Variants in ERLEC1 observed in about 807,000 individuals in gnomAD.
The protein encoded by ERLEC1 is endoplasmic reticulum lectin 1.
ERLEC1 carries 47 observed loss-of-function variants against 68.0 expected under a neutral mutation model. The ratio of observed to expected loss-of-function variants is 0.69; its 90% CI spans 0.55 to 0.88. ERLEC1 has a LOEUF of 0.88. Among genes scored for constraint, ERLEC1 ranks in the 40% least tolerant of loss-of-function variants. The probability of loss-of-function intolerance (pLI) is 0.00; values close to 1 mark genes in which losing one functional copy is unlikely to be tolerated. For missense variants in ERLEC1, 567 were observed against 583.8 expected, an observed-to-expected ratio of 0.97 and a Z score of 0.30; for synonymous variants, 225 against 203.2, an observed-to-expected ratio of 1.11 and a Z score of -0.91.
At position 53,818,779 on chromosome 2, in the gene ERLEC1, A is replaced by C. The variant is rs982902371; in HGVS notation, c.*810A>C. ...CAGCACAATATTTATTTTAAAGTGAATAAAATGTCCACAAGCAGTGTTGTC... is the reference window on the plus strand; with the variant it reads ...CAGCACAATATTTATTTTAAAGTGACTAAAATGTCCACAAGCAGTGTTGTC... On this transcript the variant is annotated 3_prime_UTR_variant, in exon 14 of 14. Coordinates refer to ENST00000185150, the MANE Select transcript of ERLEC1 (RefSeq NM_015701.5). 3.3e-5 allele frequency: 5 copies of C among 152,226 alleles called. No individual in the cohort carries two copies. Among genetic ancestry groups the C allele is most frequent in the African/African-American group, 1.2e-4 (5 of 41,464 alleles). 9.4% of individuals were successfully genotyped at this position (152,226 alleles called of 1,614,324 possible). A position where few individuals can be genotyped will look rare whatever the true frequency, so the allele number is the denominator to read the frequency against.
intron 8 of ERLEC1, among the ~76,000 whole-genome samples, chr2:53,805,488 G>A (rs1676250030): frequency 6.6e-6 from 1 of 152,082 alleles, no homozygotes; most frequent in Non-Finnish European, 1.5e-5. Context: ...AAAGTGCTAG[G>A]ATTACAGGTG....
At chr2:53,794,651 T>A (rs1355353811) in intron 2 of ERLEC1, among the ~76,000 whole-genome samples, 3 of 152,196 alleles carry the variant, frequency 2.0e-5, no homozygotes, top group Non-Finnish European at 2.9e-5. Context: ...AATTTTTTTT[T>A]ATTTTATTTA....
Position 53,808,337 on chromosome 2 carries a change from G to A in ERLEC1, c.918G>A (p.Ala306=), listed in dbSNP as rs374779928. ...LQSTKEERFP[A]IHKSIAIGSQ... Reference sequence around the variant, plus strand: ...CAACTAAAGAAGAGAGATTTCCAGCGATCCACAAGTCGATTGCTATTGGCT... The same window carrying A: ...CAACTAAAGAAGAGAGATTTCCAGCAATCCACAAGTCGATTGCTATTGGCT... Residue 306 remains alanine (A), a synonymous_variant, in exon 9 of 14, where the codon GCG becomes GCA. Transcript: ENST00000185150. The A allele has an allele frequency of 2.9e-5, 47 of 1,613,984 alleles. No homozygotes were observed. The highest frequency in any genetic ancestry group is 4.5e-5 in the East Asian group (2 of 44,888).
intron 3 of ERLEC1, among the ~76,000 whole-genome samples, chr2:53,797,136 CT>C (rs1250912191): frequency 6.6e-6 from 1 of 152,220 alleles, no homozygotes; most frequent in Admixed American, 6.5e-5. Context: ...CTCAAGTGAT[CT>C]GCCCACCTTG....
chr2:53,804,193 G>C (rs1265585127), intron 8 of ERLEC1, among the ~76,000 whole-genome samples: 1 of 152,058 alleles, frequency 6.6e-6, no homozygotes, highest in Admixed American at 6.6e-5. Context: ...TAATTTTTGT[G>C]GGTACATAGC....
At chr2:53,810,231 G>A (rs867105316) in intron 10 of ERLEC1, among the ~76,000 whole-genome samples, 7 of 152,014 alleles carry the variant, frequency 4.6e-5, no homozygotes, top group Middle Eastern at 3.4e-3. Flanking sequence ...ACACTTTGGG[G>A]GGCCAAGGCA....
chr2:53,794,875 G>A (rs965142269), intron 2 of ERLEC1, among the ~76,000 whole-genome samples: 7 of 151,866 alleles, frequency 4.6e-5, no homozygotes, highest in African/African-American at 1.7e-4. Flanking sequence ...GGATGGTCTC[G>A]ATTTCTTGAC....
At chr2:53,809,150 CAT>C (rs1364538282) in intron 9 of ERLEC1, 62 bp from the exon 10 acceptor site, 11 of 1,092,626 alleles carry the variant, frequency 1.0e-5, no homozygotes, top group Non-Finnish European at 1.4e-5. Flanking sequence ...CCATTACTGT[CAT>C]GTGGCATTAT....
At chr2:53,808,921 A>C (rs1163948160) in intron 9 of ERLEC1, among the ~76,000 whole-genome samples, 1 of 152,120 alleles carries the variant, frequency 6.6e-6, no homozygotes, top group Non-Finnish European at 1.5e-5. Context: ...GAGCCACCGC[A>C]CCTGGCCAAC....
rs757724942 is a variant in ERLEC1 at position 53,801,546 on chromosome 2, A to C, written c.675A>C (p.Ser225=). ...CTGAATCTAAGCATGAAATTCTTTC[A>C]GTAGCTGAAGTTACAACTTGTGAAT... is the stretch of plus-strand genomic sequence containing the variant. ...CHPESKHEIL[S]VAEVTTCEYE... The change falls in exon 7 of 14, where the codon TCA becomes TCC. Residue 225 remains serine, a synonymous_variant. Coordinates refer to ENST00000185150, the MANE Select transcript of ERLEC1 (RefSeq NM_015701.5). The C allele has an allele frequency of 1.9e-6, 3 of 1,614,056 alleles. No individual in the cohort carries two copies. The highest frequency in any genetic ancestry group is 1.3e-5 in the African/African-American group (1 of 74,948).
chr2:53,811,776 C>G (rs968807085), intron 10 of ERLEC1, among the ~76,000 whole-genome samples: 1 of 152,160 alleles, frequency 6.6e-6, no homozygotes, highest in African/African-American at 2.4e-5. Flanking sequence ...TAAAACACTT[C>G]ACTTTGCTGC....
chr2:53,787,935 C>T (rs1423707056), intron 1 of ERLEC1, among the ~76,000 whole-genome samples: 1 of 152,190 alleles, frequency 6.6e-6, no homozygotes, highest in Non-Finnish European at 1.5e-5. Flanking sequence ...ACCCTTTATG[C>T]AGAATATCCT....
intron 5 of ERLEC1, 140 bp downstream of exon 5, chr2:53,797,935 G>A (rs1410350256): frequency 3.2e-5 from 24 of 740,862 alleles, no homozygotes; most frequent in East Asian, 7.9e-5. Flanking sequence ...GGTGGCTGAC[G>A]CGTGTAATCC....
At position 53,800,701 on chromosome 2, in the gene ERLEC1, G is replaced by C. The variant is rs549278108; in HGVS notation, c.526-696G>C. ...TGGATTTTTCTTGTGTTTATGTAGA[G>C]AAAAGTGTAGGAGCTAACTTCTTAG... On this transcript the variant is annotated intron_variant, in intron 6 of 13. Coordinates refer to ENST00000185150, the MANE Select transcript of ERLEC1 (RefSeq NM_015701.5). Among the ~76,000 whole-genome samples, 44 of 152,196 alleles carry C rather than the reference G, an allele frequency of 2.9e-4. No individual in the cohort carries two copies. The South Asian group carries it at 8.1e-3, about 28-fold the overall frequency.
intron 13 of ERLEC1, among the ~76,000 whole-genome samples, chr2:53,816,465 C>G (rs546849753): frequency 1.7e-4 from 26 of 151,876 alleles, no homozygotes; most frequent in Non-Finnish European, 3.4e-4. Context: ...GACAGTGTTT[C>G]ACCTTGTTGG....
At chr2:53,815,808 A>C (rs1040851498) in intron 13 of ERLEC1, among the ~76,000 whole-genome samples, 5 of 152,166 alleles carry the variant, frequency 3.3e-5, no homozygotes, top group Non-Finnish European at 7.3e-5. Context: ...ACATCCATAG[A>C]ATATGTAGTG....
At chr2:53,814,797 G>A (rs115872830) in intron 12 of ERLEC1, 63 bp from the exon 13 acceptor site, 2 of 1,281,966 alleles carry the variant, frequency 1.6e-6, no homozygotes, top group Non-Finnish European at 2.3e-6. Context: ...TAAGAGTACA[G>A]TTATTAACAG....
intron 1 of ERLEC1, among the ~76,000 whole-genome samples, chr2:53,793,077 C>G (rs1675497051): frequency 6.6e-6 from 1 of 151,770 alleles, no homozygotes; most frequent in African/African-American, 2.4e-5. Context: ...GTTCTCCTTG[C>G]CAGGAATAGC....
chr2:53,796,185 C>T (rs2692513), intron 3 of ERLEC1, among the ~76,000 whole-genome samples, 172 bp downstream of exon 3: 38,695 of 149,058 alleles, frequency 0.26, 5,423 homozygotes, highest in South Asian at 0.33. Context: ...TGCATGTCAC[C>T]GGGGTTTGGT....
Sources: allele counts gnomAD v4.1 joint callset (sites outside exome capture counted in the v4.1 genomes callset), GRCh38; gene constraint gnomAD v4.1.1; transcripts MANE v1.5; gene names NCBI Gene and HGNC (gene_info 2026-07-23, HGNC 2026-07-21).